Variants in PHACTR1 observed in about 807,000 individuals in gnomAD.
The protein encoded by PHACTR1 is RPEL repeat containing 1.
In PHACTR1, 16 loss-of-function variants were observed where a neutral mutation model predicts 69.2. The observed-to-expected ratio is 0.23, with a 90% CI of 0.16 to 0.35. The LOEUF is 0.35. PHACTR1 is among the 10% of genes least tolerant of loss of function. The pLI is 1.00. For synonymous variants in PHACTR1, 312 were observed against 284.5 expected (o/e 1.10, Z -0.97); for missense variants, 510 against 734.7 (o/e 0.69, Z 3.54).
At chr6:13,273,032 T>G in intron 11 of PHACTR1, 117 bp downstream of exon 11, 6 of 1,438,496 alleles carry the variant, frequency 4.2e-6, no homozygotes, top group Non-Finnish European at 5.7e-6. Context: ...AAAACCTTTC[T>G]AACGGTTGAA....
At chr6:12,884,704 G>A (rs1783463243) in intron 4 of PHACTR1, among the ~76,000 whole-genome samples, 1 of 152,040 alleles carries the variant, frequency 6.6e-6, no homozygotes, top group African/African-American at 2.4e-5. Flanking sequence ...CCCGGCCTTT[G>A]GAATTTTGTA....
chr6:13,153,881 T>G (rs891798320), intron 5 of PHACTR1, among the ~76,000 whole-genome samples: 1 of 152,254 alleles, frequency 6.6e-6, no homozygotes, highest in Non-Finnish European at 1.5e-5. Flanking sequence ...TCCTAGCTTT[T>G]TGTGACCTAA....
chr6:13,252,052 CT>C (rs1210294521), intron 10 of PHACTR1, among the ~76,000 whole-genome samples: 2 of 139,280 alleles, frequency 1.4e-5, no homozygotes, highest in East Asian at 4.0e-4. Flanking sequence ...AAGATCCTGC[CT>C]TAAAAAAAAA....
intron 3 of PHACTR1, among the ~76,000 whole-genome samples, chr6:12,746,625 T>C (rs1765815072): frequency 6.6e-6 from 1 of 152,208 alleles, no homozygotes; most frequent in Non-Finnish European, 1.5e-5. Context: ...ATTTCAATAA[T>C]AAAATAGCCT....
chr6:12,872,581 T>C (rs1167695959), intron 4 of PHACTR1, among the ~76,000 whole-genome samples: 1 of 152,226 alleles, frequency 6.6e-6, no homozygotes, highest in Non-Finnish European at 1.5e-5. Flanking sequence ...ATATAGAGGA[T>C]ATACGATGTG....
chr6:12,833,484 C>G (rs1051836689), intron 4 of PHACTR1, among the ~76,000 whole-genome samples: 21 of 152,144 alleles, frequency 1.4e-4, no homozygotes, highest in Non-Finnish European at 2.6e-4. Context: ...GTCTCAAACT[C>G]CTGACTTCAG....
At chr6:13,042,638 A>T (rs1804365550) in intron 4 of PHACTR1, among the ~76,000 whole-genome samples, 1 of 152,236 alleles carries the variant, frequency 6.6e-6, no homozygotes, top group Admixed American at 6.5e-5. Context: ...AGAGCCTCCA[A>T]AACTGTTTAA....
intron 4 of PHACTR1, among the ~76,000 whole-genome samples, chr6:12,955,989 T>A (rs1026150147): frequency 6.6e-6 from 1 of 152,144 alleles, no homozygotes; most frequent in Non-Finnish European, 1.5e-5. Context: ...ATCTGTCTAA[T>A]GTCACATATT....
intron 5 of PHACTR1, among the ~76,000 whole-genome samples, chr6:13,066,524 G>A (rs2127764247): frequency 6.6e-6 from 1 of 152,278 alleles, no homozygotes; most frequent in South Asian, 2.1e-4. Flanking sequence ...TAAAAGCTCA[G>A]GTTGTTTGGA....
At chr6:13,016,026 C>G (rs936681898) in intron 4 of PHACTR1, among the ~76,000 whole-genome samples, 2 of 152,220 alleles carry the variant, frequency 1.3e-5, no homozygotes, top group Admixed American at 6.5e-5. Flanking sequence ...TCTTCTTTTA[C>G]TGCCAGAAAC....
intron 7 of PHACTR1, among the ~76,000 whole-genome samples, chr6:13,200,533 G>A (rs1765071542): frequency 6.6e-6 from 1 of 152,172 alleles, no homozygotes; most frequent in Non-Finnish European, 1.5e-5. Context: ...GTTGCATCAG[G>A]CAACTATTGC....
At chr6:12,852,105 GA>G (rs1198761965) in intron 4 of PHACTR1, among the ~76,000 whole-genome samples, 1 of 152,202 alleles carries the variant, frequency 6.6e-6, no homozygotes, top group East Asian at 1.9e-4. Flanking sequence ...AAAGTGCTAG[GA>G]TTACAGGCGT....
chr6:13,122,590 G>C (rs1305289687), intron 5 of PHACTR1, among the ~76,000 whole-genome samples: 1 of 152,244 alleles, frequency 6.6e-6, no homozygotes, highest in African/African-American at 2.4e-5. Context: ...TTTAGTGACA[G>C]TTGTTGAAAT....
At chr6:12,814,830 TG>T (rs1775407206) in intron 4 of PHACTR1, among the ~76,000 whole-genome samples, 1 of 152,222 alleles carries the variant, frequency 6.6e-6, no homozygotes, top group Admixed American at 6.5e-5. Flanking sequence ...TCTGAGTTGC[TG>T]GGGGAGGCTG....
At chr6:13,073,534 G>A (rs985506683) in intron 5 of PHACTR1, among the ~76,000 whole-genome samples, 1 of 151,128 alleles carries the variant, frequency 6.6e-6, no homozygotes, top group African/African-American at 2.4e-5. Context: ...AGGAGAGAAG[G>A]GGTTTCACCA....
chr6:13,218,799 GAGA>G (rs200769583), intron 8 of PHACTR1, among the ~76,000 whole-genome samples: 13 of 148,770 alleles, frequency 8.7e-5, no homozygotes, highest in East Asian at 2.0e-4. Context: ...GAAGGAGGAG[GAGA>G]AGAAGAAGAA....
intron 4 of PHACTR1, among the ~76,000 whole-genome samples, chr6:12,842,815 G>C (rs1473278773): frequency 6.6e-6 from 1 of 152,106 alleles, no homozygotes; most frequent in Non-Finnish European, 1.5e-5. Flanking sequence ...AAAGTGCTGA[G>C]ATTACAGGTG....
chr6:13,162,279 G>T (rs994983628), intron 6 of PHACTR1, among the ~76,000 whole-genome samples: 19 of 149,584 alleles, frequency 1.3e-4, no homozygotes, highest in African/African-American at 4.7e-4. Flanking sequence ...TTGTTTTTTT[G>T]TTTGTTTGTT....
intron 4 of PHACTR1, among the ~76,000 whole-genome samples, chr6:12,965,532 T>C (rs1234095913): frequency 6.7e-6 from 1 of 150,354 alleles, no homozygotes; most frequent in Non-Finnish European, 1.5e-5. Flanking sequence ...CATGCTGAAG[T>C]GCGATGCAGT....
Sources: allele counts gnomAD v4.1 joint callset (sites outside exome capture counted in the v4.1 genomes callset), GRCh38; gene constraint gnomAD v4.1.1; transcripts MANE v1.5; gene names NCBI Gene and HGNC (gene_info 2026-07-23, HGNC 2026-07-21).